The following KDR variants were observed in gnomAD, a reference collection of about 807,000 sequenced individuals.
KDR encodes vascular endothelial growth factor receptor 2.
Under a neutral mutation model 160.9 loss-of-function variants are expected in KDR, and 43 were observed. The observed-to-expected ratio is 0.27, with a 90% CI of 0.21 to 0.34. The LOEUF (loss-of-function observed/expected upper bound fraction) is 0.34, where lower values mean the gene tolerates loss of function less well. KDR is among the 10% of genes least tolerant of loss of function. The pLI, the probability that KDR is intolerant of heterozygous loss-of-function variation, is 1.00. For missense variants in KDR, 1,469 were observed against 1,666.4 expected, an observed-to-expected ratio of 0.88 and a Z score of 2.06; for synonymous variants, 617 against 600.1, an observed-to-expected ratio of 1.03 and a Z score of -0.41.
intron 8 of KDR, 25 bp downstream of exon 8, chr4:55,110,629 C>T (rs1182841447): frequency 4.3e-6 from 7 of 1,610,490 alleles, no homozygotes; most frequent in East Asian, 2.2e-5. Flanking sequence ...CGAAATGATG[C>T]TTTGCATTTA....
rs145905001 is a variant in KDR, at chr4:55,098,158, G to A, written c.2488C>T (p.Pro830Ser). Residue 830 changes from proline (P) to serine (S), a missense_variant, in exon 17 of 30, where the codon CCC (proline) becomes TCC (serine). Pro to Ser is a moderately conservative substitution (Grantham distance 74). Transcript: ENST00000263923. The part of the protein sequence containing the change: ...LPYDASKWEF[P>S]RDRLKLGKPL... ...GCACCTAGCTTCAGCCGGTCTCTGG[G>A]GAATTCCCATTTGCTGGCATCATAA... 3.7e-5 allele frequency: 60 copies of A among 1,613,760 alleles called. No individual in the cohort carries two copies. The highest frequency in any genetic ancestry group is 6.7e-5 in the Admixed American group (4 of 59,966).
rs890291692 is a variant in KDR at position 55,114,134 on chromosome 4, A to T, written c.790T>A (p.Ser264Thr). The T allele has an allele frequency of 2.5e-6, 4 of 1,613,898 alleles. No individual in the cohort carries two copies. Among genetic ancestry groups the T allele is most frequent in the African/African-American group, 1.3e-5 (1 of 74,916 alleles). The change falls in exon 6 of 30, where the codon TCT becomes ACT. Residue 264 changes from serine (S) to threonine (T), a missense_variant. Physicochemically the swap from Ser to Thr is moderately conservative, Grantham distance 58. Transcript: ENST00000263923. ...VGIDFNWEYP[S>T]SKHQHKKLVN... ...TGAATCATTAGCGTTACCTTCGAAG[A>T]AGGGTATTCCCAGTTGAAGTCAATC...
chr4:55,082,347 G>A (rs1027937716), intron 28 of KDR, among the ~76,000 whole-genome samples, 189 bp downstream of exon 28: 1 of 152,094 alleles, frequency 6.6e-6, no homozygotes, highest in Non-Finnish European at 1.5e-5. Context: ...ACACTGTCTT[G>A]AACCTTGGAC....
intron 9 of KDR, among the ~76,000 whole-genome samples, chr4:55,108,965 T>C (rs547009926): frequency 6.6e-6 from 1 of 152,274 alleles, no homozygotes; most frequent in South Asian, 2.1e-4. Flanking sequence ...CTATTTGCTG[T>C]CCGTGTTTTG....
intron 27 of KDR, among the ~76,000 whole-genome samples, chr4:55,084,441 A>G (rs1225474174): frequency 6.6e-6 from 1 of 152,188 alleles, no homozygotes; most frequent in Admixed American, 6.5e-5. Flanking sequence ...TTGGACAATA[A>G]TTCAGCTGCC....
chr4:55,118,007 A>G (rs1720776390), intron 3 of KDR, among the ~76,000 whole-genome samples: 1 of 152,226 alleles, frequency 6.6e-6, no homozygotes, highest in Admixed American at 6.5e-5. Context: ...CATCCTAGAA[A>G]GATACAGCAT....
chr4:55,092,269 C>T (rs866779735), intron 22 of KDR: 10 of 338,180 alleles, frequency 3.0e-5, no homozygotes, highest in African/African-American at 1.3e-4. Flanking sequence ...ACCTACAACA[C>T]GTTTTACTTG....
rs1721005381 is a variant in KDR at position 55,125,345 on chromosome 4, T to C, written c.-52A>G. The C allele has an allele frequency of 3.2e-6, 5 of 1,566,676 alleles. No homozygotes were observed. The South Asian group carries it at 4.6e-5, about 15-fold the overall frequency. On this transcript the variant is annotated 5_prime_UTR_variant, in exon 1 of 30. Coordinates refer to ENST00000263923, the MANE Select transcript of KDR (RefSeq NM_002253.4). ...CCAGAACTCGGGAGCCGGTTCTTTC[T>C]CCCAGCGCCTGTCTAGAGAAGGAGG...
intron 25 of KDR, 144 bp downstream of exon 25, chr4:55,089,230 G>A (rs969553582): frequency 1.0e-5 from 7 of 699,868 alleles, no homozygotes; most frequent in Admixed American, 7.0e-5. Flanking sequence ...ATGACTCCAT[G>A]CTTGAAATTA....
rs1315068271 is a variant in KDR at position 55,125,407 on chromosome 4, A to T, written c.-114T>A. Reference sequence around the variant, plus strand: ...AACTCGCGGCACCCCGCAGCGCAGGACAGTTGAGCGCACAGGGCTAGGGAG... The same window carrying T: ...AACTCGCGGCACCCCGCAGCGCAGGTCAGTTGAGCGCACAGGGCTAGGGAG... On this transcript the variant is annotated 5_prime_UTR_variant, in exon 1 of 30. Transcript: ENST00000263923. The T allele has an allele frequency of 7.4e-7, 1 of 1,350,212 alleles. No individual in the cohort carries two copies. Among genetic ancestry groups the T allele is most frequent in the African/African-American group, 1.4e-5 (1 of 69,402 alleles). 83.6% of individuals were successfully genotyped at this position (1,350,212 alleles called of 1,614,324 possible). A position where few individuals can be genotyped will look rare whatever the true frequency, so the allele number is the denominator to read the frequency against.
In KDR at chr4:55,079,947, A is replaced by C; in HGVS notation, c.4065T>G (p.Pro1355=). The C allele has an allele frequency of 6.2e-7, 1 of 1,613,854 alleles. No individual in the cohort carries two copies. Among genetic ancestry groups the C allele is most frequent in the Non-Finnish European group, 8.5e-7 (1 of 1,179,770 alleles). The change falls in exon 30 of 30, where the codon CCT becomes CCG. Residue 1355 remains proline (P), a synonymous_variant. Coordinates refer to ENST00000263923, the MANE Select transcript of KDR (RefSeq NM_002253.4). ...GGGGTGTGGATGCTTCCTTTTAAAC[A>C]GGAGGAGAGCTCAGTGTGGTCCCCG... ...PDSGTTLSSP[P]V is the part of the protein sequence containing the mutation.
chr4:55,094,080 G>A (rs573722589), intron 21 of KDR, among the ~76,000 whole-genome samples: 56 of 151,918 alleles, frequency 3.7e-4, no homozygotes, highest in Admixed American at 1.7e-3. Flanking sequence ...ATGGTGGAAG[G>A]CACCTGTAAT....
Position 55,081,974 on chromosome 4 carries a change from T to G in KDR, c.3830A>C (p.Lys1277Thr), listed in dbSNP as rs1719744619. 2 of 1,612,078 alleles carry G rather than the reference T, an allele frequency of 1.2e-6. No homozygotes were observed. The highest frequency in any genetic ancestry group is 1.7e-5 in the Admixed American group (1 of 60,004). ...EELKTLEDRTKLSPSFGGMVP... is the reference protein window; with the variant it reads ...EELKTLEDRTTLSPSFGGMVP... The stretch of plus-strand genomic sequence containing the variant: ...GTCTTACCCAAAAGATGGAGATAAT[T>G]TGGTTCTGTCTTCCAAAGTTTTCAG... The change falls in exon 29 of 30, where the codon AAA becomes ACA. Residue 1277 changes from lysine to threonine, a missense_variant. Coordinates refer to ENST00000263923, the MANE Select transcript of KDR (RefSeq NM_002253.4).
chr4:55,123,304 C>T (rs1375399970), intron 1 of KDR, among the ~76,000 whole-genome samples: 1 of 152,066 alleles, frequency 6.6e-6, no homozygotes, highest in Non-Finnish European at 1.5e-5. Context: ...AGAAAAAAAC[C>T]ATTATTTGGG....
At chr4:55,097,846 G>C (rs781047160) in intron 17 of KDR, 80 bp from the exon 18 acceptor site, 5 of 1,009,498 alleles carry the variant, frequency 5.0e-6, no homozygotes, top group Non-Finnish European at 7.8e-6. Flanking sequence ...ACATCAACTA[G>C]ATAGGGTGAC....
chr4:55,084,965 A>G (rs1332701769), intron 27 of KDR, among the ~76,000 whole-genome samples: 1 of 152,214 alleles, frequency 6.6e-6, no homozygotes, highest in Non-Finnish European at 1.5e-5. Context: ...CCTAGCTAGC[A>G]GGCTGCCCCA....
At chr4:55,118,484 A>G (rs1720786843) in intron 3 of KDR, 120 bp downstream of exon 3, 5 of 775,498 alleles carry the variant, frequency 6.4e-6, no homozygotes, top group Middle Eastern at 3.4e-4. Context: ...AATTGTGTGT[A>G]TTCCTCTTGG....
In KDR at chr4:55,106,751, A is replaced by G. The variant is rs1415122811; in HGVS notation, c.1472T>C (p.Phe491Ser). 1 of 1,594,986 alleles carries G rather than the reference A, an allele frequency of 6.3e-7. No individual in the cohort carries two copies. Residue 491 changes from phenylalanine (F) to serine (S), a missense_variant, in exon 11 of 30, where the codon TTC becomes TCC. By Grantham distance (155) the Phe-to-Ser change is radical (BLOSUM62 -2). Around this residue, in one of 7 missense-constraint regions of KDR, gnomAD observed 792 missense variants for 840.9 expected, o/e 0.94. Transcript: ENST00000263923. ...PCEEWRSVED[F>S]QGGNKIEVNK... ...AACTTCAATTTTATTTCCTCCCTGG[A>G]AGTCCTCCACACTTCTCCATTCTTC...
intron 15 of KDR, among the ~76,000 whole-genome samples, 172 bp from the exon 16 acceptor site, chr4:55,098,975 T>C (rs1391967887): frequency 1.3e-5 from 2 of 149,082 alleles, no homozygotes; most frequent in Non-Finnish European, 3.0e-5. Context: ...ATTCTTTTTT[T>C]GAATTTAATT....
Sources: gnomAD v4.1 joint callset for allele counts (sites outside exome capture counted in the v4.1 genomes callset) on GRCh38, gnomAD v4.1.1 for gene constraint, gnomAD v4.1.1 regional missense constraint, MANE v1.5 for transcripts, NCBI Gene and HGNC (gene_info 2026-07-23, HGNC 2026-07-21) for gene names.